The following SMIM31 variants were observed in gnomAD, a reference collection of about 807,000 sequenced individuals.
The protein encoded by SMIM31 is small integral membrane protein 31.
rs181291348 is a variant in SMIM31 at position 164,800,354 on chromosome 4, C to A, written c.113-737C>A. ...CCCCCTGAGTAGCTGGTATTACAGA[C>A]GCGCCACCATGCCTGACTAATTTTT... On this transcript the variant is annotated intron_variant, in intron 2 of 2. Transcript: ENST00000507311. Among the ~76,000 whole-genome samples, 323 of 151,982 alleles carry A rather than the reference C, an allele frequency of 2.1e-3. 1 individual carries two copies. The highest frequency in any genetic ancestry group is 7.2e-3 in the African/African-American group (299 of 41,454).
intron 2 of SMIM31, among the ~76,000 whole-genome samples, chr4:164,785,029 G>A (rs1387148684): frequency 1.3e-5 from 2 of 151,768 alleles, no homozygotes; most frequent in Non-Finnish European, 2.9e-5. Context: ...TTCGAAACCA[G>A]CTTGGGCAAC....
intron 1 of SMIM31, among the ~76,000 whole-genome samples, chr4:164,760,612 C>A (rs146013413): frequency 6.6e-6 from 1 of 150,590 alleles, no homozygotes; most frequent in African/African-American, 2.4e-5. Flanking sequence ...TGGTGGTGGG[C>A]GCCTGTAATC....
At chr4:164,790,597 C>T (rs1410059507) in intron 2 of SMIM31, among the ~76,000 whole-genome samples, 2 of 152,048 alleles carry the variant, frequency 1.3e-5, no homozygotes, top group African/African-American at 4.8e-5. Flanking sequence ...ACACAGAAAA[C>T]CTCAAAGTGA....
intron 1 of SMIM31, among the ~76,000 whole-genome samples, chr4:164,768,673 A>T (rs1732753967): frequency 6.6e-6 from 1 of 152,168 alleles, no homozygotes; most frequent in Non-Finnish European, 1.5e-5. Flanking sequence ...GAGTGTGGGT[A>T]ATTCATCCTT....
chr4:164,779,735 T>C (rs1372863365), intron 2 of SMIM31, among the ~76,000 whole-genome samples: 1 of 152,182 alleles, frequency 6.6e-6, no homozygotes, highest in African/African-American at 2.4e-5. Context: ...TTGTTTTAAA[T>C]GAAATCAAAA....
intron 1 of SMIM31, among the ~76,000 whole-genome samples, chr4:164,757,619 T>A (rs1047408541): frequency 1.3e-5 from 2 of 152,076 alleles, no homozygotes; most frequent in African/African-American, 2.4e-5. Flanking sequence ...AAATAGAAGT[T>A]CCTTTTTTTT....
At chr4:164,755,894 A>C (rs566879943) in intron 1 of SMIM31, among the ~76,000 whole-genome samples, 2 of 152,282 alleles carry the variant, frequency 1.3e-5, no homozygotes, top group African/African-American at 4.8e-5. Context: ...TAATTGTATC[A>C]TGAACATCCA....
At chr4:164,766,352 T>C (rs1732720318) in intron 1 of SMIM31, among the ~76,000 whole-genome samples, 1 of 152,168 alleles carries the variant, frequency 6.6e-6, no homozygotes, top group African/African-American at 2.4e-5. Flanking sequence ...CCTTCTTCGG[T>C]GCTGCTTGCA....
intron 1 of SMIM31, among the ~76,000 whole-genome samples, chr4:164,762,808 A>G (rs1174088968): frequency 6.6e-6 from 1 of 152,208 alleles, no homozygotes; most frequent in Non-Finnish European, 1.5e-5. Context: ...TATTGAAAGC[A>G]TCGGAGCTAC....
chr4:164,796,473 G>A (rs116038349), intron 2 of SMIM31, among the ~76,000 whole-genome samples: 358 of 152,178 alleles, frequency 2.4e-3, no homozygotes, highest in African/African-American at 8.0e-3. Context: ...CTTGGGGATC[G>A]CTTTTACCTT....
chr4:164,755,508 G>A (rs114604187), intron 1 of SMIM31, among the ~76,000 whole-genome samples: 3 of 108,362 alleles, frequency 2.8e-5, no homozygotes, highest in Non-Finnish European at 5.5e-5. Context: ...AGGAAAGGAG[G>A]GGGGAGGAGA....
Position 164,766,730 on chromosome 4 carries a change from G to A in SMIM31, c.-25-3689G>A, listed in dbSNP as rs147684197. 6.6e-3 allele frequency among the ~76,000 whole-genome samples: 1,003 copies of A among 151,978 alleles called. 25 individuals are homozygous for A. The highest frequency in any genetic ancestry group is 4.7e-3 in the Non-Finnish European group (316 of 67,950). On this transcript the variant is annotated intron_variant, in intron 1 of 2. Transcript: ENST00000507311. ...GGAGAATCGCTTGAACCCGGGAAGC[G>A]GAGGTTGTAGTGAGCTGAGATCGTG...
chr4:164,792,918 G>GA (rs1333122172), intron 2 of SMIM31, among the ~76,000 whole-genome samples: 1 of 152,052 alleles, frequency 6.6e-6, no homozygotes, highest in East Asian at 1.9e-4. Flanking sequence ...CATAAAAACA[G>GA]AAAAAAACAT....
rs187304409 is a variant in SMIM31 at position 164,793,153 on chromosome 4, T to G, written c.113-7938T>G. Among the ~76,000 whole-genome samples the G allele has an allele frequency of 1.9e-4, 29 of 152,278 alleles. 1 individual carries two copies. The East Asian group carries it at 3.7e-3, about 19-fold the overall frequency. On this transcript the variant is annotated intron_variant, in intron 2 of 2. Coordinates refer to ENST00000507311, the MANE Select transcript of SMIM31 (RefSeq NM_001352885.1). ...TATGTTCTCTCTTATAAGCTGAAGC[T>G]AAATATTGGGTACTCATGAATATAA...
At chr4:164,788,874 T>C (rs999224394) in intron 2 of SMIM31, among the ~76,000 whole-genome samples, 1 of 152,200 alleles carries the variant, frequency 6.6e-6, no homozygotes, top group African/African-American at 2.4e-5. Context: ...TTTTAAACAT[T>C]TTCAAATGGC....
rs58450552 is a variant in SMIM31 at position 164,768,235 on chromosome 4, C to CAA, written c.-25-2172_-25-2171dup. On this transcript the variant is annotated intron_variant, in intron 1 of 2. Transcript: ENST00000507311. ...TGGGCAACAGAGCAAGACTTTGTCACAAAAAAAAAAAAAGAAAAGAAAAGA... is the reference window on the plus strand; with the variant it reads ...TGGGCAACAGAGCAAGACTTTGTCACAAAAAAAAAAAAAAAGAAAAGAAAAGA... 3.9e-3 allele frequency among the ~76,000 whole-genome samples: 293 copies of CAA among 75,824 alleles called. 4 individuals carry two copies. Among genetic ancestry groups the CAA allele is most frequent in the African/African-American group, 8.8e-3 (222 of 25,154 alleles). 49.7% of individuals were successfully genotyped at this position (75,824 alleles called of 152,430 possible).
At chr4:164,789,976 C>T (rs1487374356) in intron 2 of SMIM31, among the ~76,000 whole-genome samples, 1 of 152,148 alleles carries the variant, frequency 6.6e-6, no homozygotes, top group Admixed American at 6.5e-5. Flanking sequence ...GGACTTGAGA[C>T]CCTAAAATAC....
At chr4:164,800,873 C>T (rs1733274205) in intron 2 of SMIM31, among the ~76,000 whole-genome samples, 1 of 152,106 alleles carries the variant, frequency 6.6e-6, no homozygotes, top group South Asian at 2.1e-4. Context: ...TGAACCAAAA[C>T]ATTACCTAGG....
At position 164,763,155 on chromosome 4, in the gene SMIM31, G is replaced by C. The variant is rs115654757; in HGVS notation, c.-25-7264G>C. Reference sequence around the variant, plus strand: ...CTATACTTTAGAGACTTGTAAATTTGGCAATGCTTCTTTCAACCTTATAAA... The same window carrying C: ...CTATACTTTAGAGACTTGTAAATTTCGCAATGCTTCTTTCAACCTTATAAA... On this transcript the variant is annotated intron_variant, in intron 1 of 2. Coordinates refer to ENST00000507311, the MANE Select transcript of SMIM31 (RefSeq NM_001352885.1). 9.3e-3 allele frequency among the ~76,000 whole-genome samples: 1,422 copies of C among 152,178 alleles called. 28 individuals are homozygous for C. The highest frequency in any genetic ancestry group is 0.033 in the African/African-American group (1,359 of 41,498).
Sources: allele counts gnomAD v4.1 joint callset (sites outside exome capture counted in the v4.1 genomes callset), GRCh38; gene constraint gnomAD v4.1.1; transcripts MANE v1.5; gene names NCBI Gene and HGNC (gene_info 2026-07-23, HGNC 2026-07-21).